LRP1: variants seen among roughly 807,000 people sequenced by gnomAD.
LRP1 encodes prolow-density lipoprotein receptor-related protein 1.
LRP1 carries 51 observed loss-of-function variants against 541.5 expected under a neutral mutation model. The observed-to-expected ratio is 0.09, with a 90% CI of 0.08 to 0.12. The LOEUF (loss-of-function observed/expected upper bound fraction) is 0.12, where lower values mean the gene tolerates loss of function less well. LRP1 is among the 10% of genes least tolerant of loss of function. The pLI is 1.00. For missense variants in LRP1, 3,878 were observed against 6,376.2 expected (o/e 0.61, Z 13.34); for synonymous variants, 2,219 against 2,470.8 (o/e 0.90, Z 3.02).
At position 57,144,330 on chromosome 12, in the gene LRP1, C is replaced by G. The variant is rs534649267; in HGVS notation, c.448+532C>G. Among the ~76,000 whole-genome samples the G allele has an allele frequency of 2.6e-5, 4 of 152,258 alleles. No individual in the cohort carries two copies. In the South Asian group the frequency reaches 8.3e-4, roughly 32 times the overall value. On this transcript the variant is annotated intron_variant, in intron 4 of 88. Coordinates refer to ENST00000243077, the MANE Select transcript of LRP1 (RefSeq NM_002332.3). ...TTTTTCTGTGTTAATATGTAAAGAT[C>G]TACATCATTCTTTTAGAAACCACTA...
At chr12:57,157,742 G>T (rs1592617460) in intron 10 of LRP1, among the ~76,000 whole-genome samples, 1 of 152,262 alleles carries the variant, frequency 6.6e-6, no homozygotes, top group Non-Finnish European at 1.5e-5. Context: ...AACTCCCTGA[G>T]GGAGGAGCAT....
At chr12:57,148,876 G>T (rs2035469584) in intron 6 of LRP1, 1 of 500,672 alleles carries the variant, frequency 2.0e-6, no homozygotes, top group Non-Finnish European at 3.5e-6. Context: ...TCAGCAAAGG[G>T]CCCCTAGGCT....
In LRP1 at chr12:57,184,819, T is replaced by TG; in HGVS notation, c.6187-17dup. ...AGCGAGCTCAGCCCTGGAGGTGAGG[T>TG]GGGTGCCTCTGGCCTGTAGGATGGG... On this transcript the variant is annotated intron_variant, in intron 38 of 88. Transcript: ENST00000243077. This position sits in a 1 kb window ranked among gnomAD's most constrained non-coding sequence, Gnocchi z 7.8. 6.2e-7 allele frequency: 1 copy of TG among 1,601,924 alleles called. No homozygotes were observed. The highest frequency in any genetic ancestry group is 8.5e-7 in the Non-Finnish European group (1 of 1,170,956).
Position 57,212,445 on chromosome 12 carries a change from A to C in LRP1, c.13525A>C (p.Thr4509Pro). 1 of 1,614,114 alleles carries C rather than the reference A, an allele frequency of 6.2e-7. No individual in the cohort carries two copies. Among genetic ancestry groups the C allele is most frequent in the East Asian group, 2.2e-5 (1 of 44,866 alleles). The change falls in exon 89 of 89, where the codon ACA (threonine) becomes CCA (proline). Residue 4509 changes from threonine (T) to proline (P), a missense_variant. Physicochemically the swap from Thr to Pro is conservative, Grantham distance 38. Transcript: ENST00000243077. This position sits in a 1 kb window ranked among gnomAD's most constrained non-coding sequence, Gnocchi z 5.0. ...PTNFTNPVYATLYMGGHGSRH... is the reference protein window; with the variant it reads ...PTNFTNPVYAPLYMGGHGSRH... Reference sequence around the variant, plus strand: ...CAACTTCACCAACCCCGTGTATGCCACACTCTACATGGGGGGCCATGGCAG... The same window carrying C: ...CAACTTCACCAACCCCGTGTATGCCCCACTCTACATGGGGGGCCATGGCAG...
chr12:57,173,434 G>A lies in LRP1; in HGVS notation c.3346+84G>A, dbSNP rs2035983285. ...GTTGAGAGCAGAGTAGCGGCAAAGG[G>A]GATGGCACTGTGCTGTGTGGAGTGG... is the stretch of plus-strand genomic sequence containing the variant. On this transcript the variant is annotated intron_variant, in intron 21 of 88. Coordinates refer to ENST00000243077, the MANE Select transcript of LRP1 (RefSeq NM_002332.3). The surrounding 1 kb of genome is among the most constrained non-coding windows in gnomAD (Gnocchi z 4.7). 1 of 1,418,332 alleles carries A rather than the reference G, an allele frequency of 7.1e-7. No individual in the cohort carries two copies. The highest frequency in any genetic ancestry group is 9.7e-7 in the Non-Finnish European group (1 of 1,030,894). The allele number at this position is 1,418,332 out of a possible 1,614,324, so 87.9% of individuals were successfully genotyped here.
chr12:57,170,151 G>A (rs1026318586), intron 20 of LRP1, among the ~76,000 whole-genome samples: 6 of 152,116 alleles, frequency 3.9e-5, no homozygotes, highest in African/African-American at 4.8e-5. Flanking sequence ...ATCTTCACAC[G>A]GTGTCCTCCC....
chr12:57,134,081 G>A (rs1776385658), intron 1 of LRP1, among the ~76,000 whole-genome samples: 1 of 152,174 alleles, frequency 6.6e-6, no homozygotes, highest in Non-Finnish European at 1.5e-5. Context: ...CTCCTGCCCT[G>A]GCTCCAGCTT....
At position 57,190,923 on chromosome 12, in the gene LRP1, A is replaced by G. The variant is rs1414280693; in HGVS notation, c.7150A>G (p.Ile2384Val). 3 of 1,613,494 alleles carry G rather than the reference A, an allele frequency of 1.9e-6. No individual in the cohort carries two copies. The highest frequency in any genetic ancestry group is 2.2e-5 in the East Asian group (1 of 44,874). Reference protein sequence around the residue: ...KDIRTPNGLAIDHRAEKLYFS... With the variant: ...KDIRTPNGLAVDHRAEKLYFS... ...CATCCGTACCCCCAATGGCCTGGCC[A>G]TCGACCACCGTGCCGAGAAGCTCTA... The change falls in exon 43 of 89, where the codon ATC becomes GTC. Residue 2384 changes from isoleucine (I) to valine (V), a missense_variant. Ile to Val is a conservative substitution (Grantham distance 29). Transcript: ENST00000243077.
At chr12:57,210,949 G>A (rs1046131047) in intron 83 of LRP1, 70 bp downstream of exon 83, 1 of 1,545,450 alleles carries the variant, frequency 6.5e-7, no homozygotes, top group Admixed American at 1.8e-5. Flanking sequence ...ATGGGGTGAT[G>A]TTCAACCTGT....
At chr12:57,169,113 C>A (rs1186363373) in intron 19 of LRP1, 27 bp from the exon 20 acceptor site, 2 of 1,586,424 alleles carry the variant, frequency 1.3e-6, no homozygotes, top group Non-Finnish European at 1.7e-6. Context: ...TCCCGCTTTG[C>A]CTCTCCCCTT....
chr12:57,187,090 G>C (rs892244569), intron 41 of LRP1, among the ~76,000 whole-genome samples, 177 bp from the exon 42 acceptor site: 2 of 152,172 alleles, frequency 1.3e-5, no homozygotes, highest in Non-Finnish European at 2.9e-5. Flanking sequence ...CAGAGGTTGG[G>C]GGCACTGAGT....
chr12:57,171,976 C>T (rs1565731640), intron 20 of LRP1, among the ~76,000 whole-genome samples: 1 of 152,038 alleles, frequency 6.6e-6, no homozygotes, highest in East Asian at 1.9e-4. Flanking sequence ...GCACGGCCTG[C>T]AGGGCCCCCA....
In LRP1 at chr12:57,185,083, C is replaced by A; in HGVS notation, c.6341C>A (p.Thr2114Asn). The A allele has an allele frequency of 6.2e-7, 1 of 1,614,156 alleles. No individual in the cohort carries two copies. The highest frequency in any genetic ancestry group is 1.7e-5 in the Admixed American group (1 of 60,020). Residue 2114 changes from threonine (T) to asparagine (N), a missense_variant and splice_region_variant, in exon 40 of 89, where the codon ACT (threonine) becomes AAT (asparagine). Around this residue, in one of 13 missense-constraint regions of LRP1, gnomAD observed 1,100 missense variants for 1,827.4 expected, o/e 0.60. Transcript: ENST00000243077. The surrounding 1 kb of genome is among the most constrained non-coding windows in gnomAD (Gnocchi z 4.9). ...FEDFIYWSDR[T>N]HANGSIKRGS... ...CTTGTGCCCTGTCCTTCCCTCAGGA[C>A]TCATGCCAACGGCTCTATCAAGCGC...
rs2034974447 is a variant in LRP1, at chr12:57,128,904, G to T, written c.-61G>T. On this transcript the variant is annotated 5_prime_UTR_variant, in exon 1 of 89. Coordinates refer to ENST00000243077, the MANE Select transcript of LRP1 (RefSeq NM_002332.3). ...AAGGGGGACCCCCCAACTGGGGGGG[G>T]TGAAGGAGAGAAGTAGCAGGACCAG... 2.8e-6 allele frequency: 4 copies of T among 1,438,018 alleles called. No homozygotes were observed. In the Admixed American group the frequency reaches 6.3e-5, roughly 22 times the overall value. 89.1% of individuals were successfully genotyped at this position (1,438,018 alleles called of 1,614,324 possible). A position where few individuals can be genotyped will look rare whatever the true frequency, so the allele number is the denominator to read the frequency against.
chr12:57,142,045 G>C (rs983639909), intron 3 of LRP1, among the ~76,000 whole-genome samples: 6 of 152,184 alleles, frequency 3.9e-5, no homozygotes, highest in African/African-American at 9.7e-5. Flanking sequence ...GACTGTCTGA[G>C]GTGGTTGATA....
At chr12:57,194,034 C>G (rs1364618004) in intron 48 of LRP1, 22 bp downstream of exon 48, 1 of 1,602,710 alleles carries the variant, frequency 6.2e-7, no homozygotes, top group Non-Finnish European at 8.5e-7. Flanking sequence ...CCTTTGCTGG[C>G]ACCTCCTGGG....
At chr12:57,172,305 G>A (rs2136694669) in intron 20 of LRP1, among the ~76,000 whole-genome samples, 1 of 152,214 alleles carries the variant, frequency 6.6e-6, no homozygotes, top group East Asian at 1.9e-4. Context: ...AAGTAGCTGG[G>A]ACTACAGGTG....
intron 76 of LRP1, 75 bp from the exon 77 acceptor site, chr12:57,207,963 G>C: frequency 6.5e-7 from 1 of 1,534,430 alleles, no homozygotes; most frequent in South Asian, 1.2e-5. Flanking sequence ...GTTCCAGCAG[G>C]CTGGCAGAGT....
chr12:57,191,171 G>A, intron 43 of LRP1, 149 bp from the exon 44 acceptor site: 1 of 1,078,136 alleles, frequency 9.3e-7, no homozygotes, highest in Non-Finnish European at 1.3e-6. Context: ...TGTCCAGCTT[G>A]CTCCTCATCA....
Sources: allele counts gnomAD v4.1 joint callset (sites outside exome capture counted in the v4.1 genomes callset), GRCh38; gene constraint gnomAD v4.1.1; regional missense constraint gnomAD v4.1.1; non-coding constraint Gnocchi (gnomAD v3.1); transcripts MANE v1.5; gene names NCBI Gene and HGNC (gene_info 2026-07-23, HGNC 2026-07-21).